DAB1: variants seen among roughly 807,000 people sequenced by gnomAD.
DAB1 encodes disabled homolog 1.
In DAB1, 15 loss-of-function variants were observed where a neutral mutation model predicts 64.6. The ratio of observed to expected loss-of-function variants is 0.23; its 90% CI spans 0.16 to 0.36. The LOEUF (loss-of-function observed/expected upper bound fraction) is 0.36, where lower values mean the gene tolerates loss of function less well. DAB1 is among the 10% of genes least tolerant of loss of function. DAB1 has a pLI of 1.00. For synonymous variants in DAB1, 235 were observed against 251.9 expected (o/e 0.93, Z 0.64); for missense variants, 596 against 706.7 (o/e 0.84, Z 1.78).
In DAB1 at chr1:58,488,441, C is replaced by G. The variant is rs180901886; in HGVS notation, n.257+17619G>C. Among the ~76,000 whole-genome samples, 279 of 152,268 alleles carry G rather than the reference C, an allele frequency of 1.8e-3. 2 individuals carry two copies. Among genetic ancestry groups the G allele is most frequent in the African/African-American group, 6.3e-3 (263 of 41,552 alleles). On this transcript the variant is annotated intron_variant and non_coding_transcript_variant, in intron 3 of 20. Transcript: ENST00000485760. ...ACACCCATCACTCAAGCAGTGTACA[C>G]TGTACCCAATGTGTAGTCTTTTTTT... is the stretch of plus-strand genomic sequence containing the variant.
intron 6 of DAB1, among the ~76,000 whole-genome samples, chr1:57,714,043 C>T (rs1647056132): frequency 6.6e-6 from 1 of 152,100 alleles, no homozygotes; most frequent in African/African-American, 2.4e-5. Context: ...ACATTCCAGC[C>T]CTCAGAGAAC....
intron 6 of DAB1, among the ~76,000 whole-genome samples, chr1:57,820,751 A>G (rs7516197): frequency 0.014 from 2,098 of 152,312 alleles, 41 homozygotes; most frequent in African/African-American, 0.047. Flanking sequence ...TTTGTTTCAC[A>G]AGGAATTACA....
intron 1 of DAB1, among the ~76,000 whole-genome samples, chr1:57,879,600 G>C (rs1316647887): frequency 6.6e-6 from 1 of 152,180 alleles, no homozygotes; most frequent in Non-Finnish European, 1.5e-5. Flanking sequence ...ACAGAGGCCT[G>C]TGGGGATCTG....
intron 7 of DAB1, among the ~76,000 whole-genome samples, chr1:57,503,857 C>T (rs1644316223): frequency 6.6e-6 from 1 of 152,164 alleles, no homozygotes; most frequent in South Asian, 2.1e-4. Flanking sequence ...GCTCTTAGTA[C>T]CCTCTACTTA....
chr1:57,559,202 A>C (rs1279565643), intron 7 of DAB1, among the ~76,000 whole-genome samples: 1 of 152,206 alleles, frequency 6.6e-6, no homozygotes, highest in Non-Finnish European at 1.5e-5. Flanking sequence ...GTGTTCCTAG[A>C]AGTGAAATTG....
intron 5 of DAB1, among the ~76,000 whole-genome samples, chr1:58,008,956 G>C (rs1009494981): frequency 6.6e-6 from 1 of 152,044 alleles, no homozygotes. Context: ...CATATGTATT[G>C]GTCTGGTCAC....
chr1:57,752,275 G>T (rs1648592590), intron 6 of DAB1, among the ~76,000 whole-genome samples: 1 of 152,138 alleles, frequency 6.6e-6, no homozygotes, highest in African/African-American at 2.4e-5. Flanking sequence ...GCAACCCAAG[G>T]GGTTTGATTT....
rs1329957547 is a variant in DAB1, at chr1:58,091,997, G to A, written n.387+58514C>T. ...TAACATAGCTTAAGTAGCTTTAAGT[G>A]GTTTATTGTCTCACATCTCAAGTTT... On this transcript the variant is annotated intron_variant and non_coding_transcript_variant, in intron 5 of 20. Coordinates refer to the DAB1 transcript ENST00000485760. Among the ~76,000 whole-genome samples, 3 of 149,592 alleles carry A rather than the reference G, an allele frequency of 2.0e-5. No individual in the cohort carries two copies. In the East Asian group the frequency reaches 5.9e-4, roughly 29 times the overall value.
At chr1:57,422,599 G>A (rs1180025051) in intron 1 of DAB1, among the ~76,000 whole-genome samples, 1 of 151,418 alleles carries the variant, frequency 6.6e-6, no homozygotes, top group Non-Finnish European at 1.5e-5. Flanking sequence ...CCGCCGCCAA[G>A]AGCGGAGCGG....
rs184440800 is a variant in DAB1, at chr1:58,520,712, A to G, written n.107+6549T>C. 2.3e-3 allele frequency among the ~76,000 whole-genome samples: 351 copies of G among 152,288 alleles called. 1 individual carries two copies. The highest frequency in any genetic ancestry group is 6.8e-3 in the Middle Eastern group (2 of 294). On this transcript the variant is annotated intron_variant and non_coding_transcript_variant, in intron 2 of 20. Coordinates refer to the DAB1 transcript ENST00000485760. ...TGGACATTAGGCAAGAAGTATTACT[A>G]GAGACAGTGATTTTATTGCAAGAAA...
intron 1 of DAB1, among the ~76,000 whole-genome samples, chr1:57,370,821 G>A (rs1257288316): frequency 6.6e-6 from 1 of 152,080 alleles, no homozygotes; most frequent in Admixed American, 6.6e-5. Flanking sequence ...TTTTATGGTC[G>A]TTTTAAAATT....
chr1:57,367,043 C>CAAAATAAAATAAAATAAAATAAAATAT (rs1680061700), intron 1 of DAB1, among the ~76,000 whole-genome samples: 1 of 91,670 alleles, frequency 1.1e-5, no homozygotes, highest in Non-Finnish European at 2.3e-5. Context: ...CCTGTCTCCA[C>CAAAATAAAATAAAATAAAATAAAATAT]AAAATAAAAT....
rs185860106 is a variant in DAB1, at chr1:57,506,306, A to G, written n.625+143286T>C. ...TGGTTTTTTAAGTATTTAAAAATGA[A>G]ACTTGGAGAAGAAATCAGTTTCCTG... On this transcript the variant is annotated intron_variant and non_coding_transcript_variant, in intron 7 of 20. Transcript: ENST00000485760. Among the ~76,000 whole-genome samples the G allele has an allele frequency of 2.3e-3, 345 of 152,318 alleles. 2 individuals carry two copies. Among genetic ancestry groups the G allele is most frequent in the Non-Finnish European group, 4.0e-3 (269 of 68,028 alleles).
At chr1:57,416,377 T>C (rs192401629) in intron 1 of DAB1, among the ~76,000 whole-genome samples, 30 of 152,302 alleles carry the variant, frequency 2.0e-4, no homozygotes, top group African/African-American at 7.2e-4. Context: ...CTCATAAACT[T>C]TCAATGCATT....
chr1:57,505,806 G>T (rs1175473419), intron 7 of DAB1, among the ~76,000 whole-genome samples: 1 of 152,094 alleles, frequency 6.6e-6, no homozygotes, highest in Non-Finnish European at 1.5e-5. Context: ...ACGTAGCTGA[G>T]ACTACAGGTG....
intron 2 of DAB1, among the ~76,000 whole-genome samples, chr1:57,185,303 A>G (rs1241924986): frequency 6.6e-6 from 1 of 152,182 alleles, no homozygotes; most frequent in Admixed American, 6.5e-5. Flanking sequence ...CAGGTAACAG[A>G]AAGTCTGGAG....
chr1:57,036,521 A>T (rs1196902013), intron 9 of DAB1, among the ~76,000 whole-genome samples: 1 of 152,190 alleles, frequency 6.6e-6, no homozygotes, highest in East Asian at 1.9e-4. Flanking sequence ...GGTGATTCTT[A>T]TAGACAAAAA....
rs76935661 is a variant in DAB1, at chr1:57,408,569, G to A, written c.-137+15361C>T. On this transcript the variant is annotated intron_variant, in intron 1 of 14. Coordinates refer to ENST00000371236, the MANE Select transcript of DAB1 (RefSeq NM_001365792.1). ...GGGACTGCATGGTCCCACTGCTGCT[G>A]CCCTACTCCCTGGGCACCCAACACT... Among the ~76,000 whole-genome samples the A allele has an allele frequency of 3.4e-4, 52 of 152,228 alleles. No homozygotes were observed. The East Asian group carries it at 9.7e-3, about 28-fold the overall frequency.
chr1:58,543,920 C>T (rs1569990324), intron 1 of DAB1, among the ~76,000 whole-genome samples: 2 of 152,162 alleles, frequency 1.3e-5, no homozygotes, highest in African/African-American at 4.8e-5. Context: ...TGAAATGTGA[C>T]TGGTGCATCT....
Sources: gnomAD v4.1 joint callset for allele counts (sites outside exome capture counted in the v4.1 genomes callset) on GRCh38, gnomAD v4.1.1 for gene constraint, MANE v1.5 for transcripts, NCBI Gene and HGNC (gene_info 2026-07-23, HGNC 2026-07-21) for gene names.